The following PSMA7 variants were observed in gnomAD, a reference collection of about 807,000 sequenced individuals.
PSMA7 encodes proteasome 20S subunit alpha 7, also known as proteasome subunit alpha type-7.
Under a neutral mutation model 31.3 loss-of-function variants are expected in PSMA7, and 5 were observed. The ratio of observed to expected loss-of-function variants is 0.16; its 90% confidence interval spans 0.08 to 0.34. The LOEUF (loss-of-function observed/expected upper bound fraction) is 0.34, where lower values mean the gene tolerates loss of function less well. Among genes scored for constraint, PSMA7 ranks in the 10% least tolerant of loss-of-function variants. PSMA7 has a pLI of 1.00. For missense variants in PSMA7, 217 were observed against 327.5 expected, an observed-to-expected ratio of 0.66 and a Z score of 2.60; for synonymous variants, 155 against 121.9, an observed-to-expected ratio of 1.27 and a Z score of -1.79.
Position 62,137,352 on chromosome 20 carries a change from C to T in PSMA7, c.654+12G>A. 2 of 1,613,898 alleles carry T rather than the reference C, an allele frequency of 1.2e-6. No individual in the cohort carries two copies. Among genetic ancestry groups the T allele is most frequent in the African/African-American group, 1.3e-5 (1 of 75,044 alleles). On this transcript the variant is annotated intron_variant, in intron 6 of 6. Coordinates refer to ENST00000370873, the MANE Select transcript of PSMA7 (RefSeq NM_002792.4). ...CTGACAGGTAAAGAAAGCAGACAAA[C>T]TTGGTGATTACCTTGAGGGATTGAT...
At chr20:62,137,294 CTG>C (rs1273614727) in intron 6 of PSMA7, 68 bp downstream of exon 6, 1 of 1,485,838 alleles carries the variant, frequency 6.7e-7, no homozygotes, top group Non-Finnish European at 9.4e-7. Context: ...TCCTTCGGAA[CTG>C]GTACTGCTCA....
intron 1 of PSMA7, 74 bp from the exon 2 acceptor site, chr20:62,141,018 C>G: frequency 6.3e-7 from 1 of 1,574,804 alleles, no homozygotes; most frequent in Non-Finnish European, 8.7e-7. Flanking sequence ...CCTGTTAATT[C>G]CAGCACTTTG....
At chr20:62,137,574 C>T (rs2056902970) in intron 5 of PSMA7, 148 bp from the exon 6 acceptor site, 1 of 744,206 alleles carries the variant, frequency 1.3e-6, no homozygotes, top group East Asian at 2.5e-5. Flanking sequence ...TGTCTTTGTC[C>T]TAAACTCATG....
At chr20:62,137,456 C>A in intron 5 of PSMA7, 30 bp from the exon 6 acceptor site, 1 of 1,604,684 alleles carries the variant, frequency 6.2e-7, no homozygotes, top group South Asian at 1.1e-5. Context: ...GGAGCATTAA[C>A]CACCTTTCCC....
At chr20:62,138,112 A>G in intron 5 of PSMA7, 59 bp downstream of exon 5, 1 of 1,611,472 alleles carries the variant, frequency 6.2e-7, no homozygotes, top group Non-Finnish European at 8.5e-7. Context: ...TCTACCTACC[A>G]CTCACCACCA....
intron 4 of PSMA7, among the ~76,000 whole-genome samples, chr20:62,138,547 G>A (rs1037790501): frequency 4.2e-5 from 6 of 143,914 alleles, no homozygotes; most frequent in African/African-American, 1.7e-4. Context: ...GAGGCAATGG[G>A]AGATTTTTTT....
chr20:62,137,051 C>G (rs753541114), intron 6 of PSMA7, 102 bp from the exon 7 acceptor site: 7 of 1,474,968 alleles, frequency 4.7e-6, no homozygotes, highest in Non-Finnish European at 6.4e-6. Flanking sequence ...GCTGCTCATA[C>G]AGCCTCTTTG....
Position 62,140,840 on chromosome 20 carries a change from G to C in PSMA7, c.201C>G (p.Asp67Glu), listed in dbSNP as rs2056923528. Residue 67 changes from aspartate to glutamate, a missense_variant, in exon 2 of 7, where the codon GAC becomes GAG. Asp to Glu is a conservative substitution (Grantham distance 45). Coordinates refer to ENST00000370873, the MANE Select transcript of PSMA7 (RefSeq NM_002792.4). ...TACCTGCAAAGGCCATGCAGACGTT[G>C]TCATCCAAAGCACAGATCTTCCGCA... Reference protein sequence around the residue: ...RTVRKICALDDNVCMAFAGLT... With the variant: ...RTVRKICALDENVCMAFAGLT... The C allele has an allele frequency of 6.2e-7, 1 of 1,614,220 alleles. No individual in the cohort carries two copies. The highest frequency in any genetic ancestry group is 8.5e-7 in the Non-Finnish European group (1 of 1,180,038).
chr20:62,140,351 T>G (rs1253084236), intron 2 of PSMA7, among the ~76,000 whole-genome samples: 4 of 152,202 alleles, frequency 2.6e-5, no homozygotes, highest in Non-Finnish European at 5.9e-5. Context: ...ATTACATGAA[T>G]TGAGATCTTC....
chr20:62,140,009 C>T lies in PSMA7; in HGVS notation c.224-104G>A, dbSNP rs80321332. The T allele has an allele frequency of 4.8e-4, 676 of 1,416,854 alleles. 4 individuals are homozygous for T. The African/African-American group carries it at 8.1e-3, about 17-fold the overall frequency. The allele number at this position is 1,416,854 out of a possible 1,614,324, so 87.8% of individuals were successfully genotyped here. ...TTAACCTTCCACAGACCCCCCAAAC[C>T]GGCAGCAAGGCTATTCTAACTGACT... is the stretch of plus-strand genomic sequence containing the variant. On this transcript the variant is annotated intron_variant, in intron 2 of 6. Transcript: ENST00000370873.
Position 62,142,854 on chromosome 20 carries a change from C to T in PSMA7, c.96+354G>A, listed in dbSNP as rs773308812. 1.5e-3 allele frequency among the ~76,000 whole-genome samples: 226 copies of T among 151,718 alleles called. 1 individual carries two copies. Among genetic ancestry groups the T allele is most frequent in the Non-Finnish European group, 1.4e-3 (95 of 67,834 alleles). On this transcript the variant is annotated intron_variant, in intron 1 of 6. Transcript: ENST00000370873. ...TCCGCGGCCCAGAGCGGCCCTCGCCCGGCCTCTGCTCGCCGGGGCGGCGGC... is the reference window on the plus strand; with the variant it reads ...TCCGCGGCCCAGAGCGGCCCTCGCCTGGCCTCTGCTCGCCGGGGCGGCGGC...
At chr20:62,140,774 C>T in intron 2 of PSMA7, 44 bp downstream of exon 2, 1 of 1,605,518 alleles carries the variant, frequency 6.2e-7, no homozygotes, top group Non-Finnish European at 8.5e-7. Context: ...CTATTCTTCG[C>T]TGAGACTCTA....
Position 62,140,242 on chromosome 20 carries a change from G to T in PSMA7, c.224-337C>A, listed in dbSNP as rs145076294. The stretch of plus-strand genomic sequence containing the variant: ...ATTTTTAAAAACACAGATCAACAGG[G>T]ACTGTCTGCATATGAAGAATTGTGT... On this transcript the variant is annotated intron_variant, in intron 2 of 6. Coordinates refer to ENST00000370873, the MANE Select transcript of PSMA7 (RefSeq NM_002792.4). 3.3e-5 allele frequency among the ~76,000 whole-genome samples: 5 copies of T among 152,314 alleles called. No homozygotes were observed. In the East Asian group the frequency reaches 5.8e-4, roughly 18 times the overall value.
At position 62,140,934 on chromosome 20, in the gene PSMA7, C is replaced by T. The variant is rs1306662090; in HGVS notation, c.107G>A (p.Arg36Gln). The T allele has an allele frequency of 6.2e-7, 1 of 1,614,118 alleles. No individual in the cohort carries two copies. The highest frequency in any genetic ancestry group is 8.5e-7 in the Non-Finnish European group (1 of 1,180,020). ...ACCAAGAACAACAATGTCTCTTCCT[C>T]GAACACCAACCTTTAATTAAGATCC... is the stretch of plus-strand genomic sequence containing the variant. ...VKKGSTAVGV[R>Q]GRDIVVLGVE... The change falls in exon 2 of 7, where the codon CGA (arginine) becomes CAA (glutamine). Residue 36 changes from arginine (R) to glutamine (Q), a missense_variant. Around this residue, in one of 3 missense-constraint regions of PSMA7, gnomAD observed 76 missense variants for 96.5 expected, o/e 0.79. Coordinates refer to ENST00000370873, the MANE Select transcript of PSMA7 (RefSeq NM_002792.4).
At chr20:62,139,970 C>T (rs1057446147) in intron 2 of PSMA7, 65 bp from the exon 3 acceptor site, 11 of 1,564,370 alleles carry the variant, frequency 7.0e-6, no homozygotes, top group South Asian at 3.5e-5. Context: ...GGGACAGACA[C>T]GATGACCCAG....
chr20:62,143,156 C>G, intron 1 of PSMA7, 52 bp downstream of exon 1: 3 of 1,256,856 alleles, frequency 2.4e-6, no homozygotes, highest in Non-Finnish European at 3.1e-6. Flanking sequence ...CTGGGCTCCC[C>G]AGCCCCACTT....
At chr20:62,138,711 T>C (rs1030949240) in intron 4 of PSMA7, among the ~76,000 whole-genome samples, 5 of 152,000 alleles carry the variant, frequency 3.3e-5, no homozygotes, top group Admixed American at 2.6e-4. Flanking sequence ...TGTGCCACCA[T>C]GCCCAGCAAA....
intron 2 of PSMA7, among the ~76,000 whole-genome samples, chr20:62,140,227 A>C (rs1456991720): frequency 6.6e-6 from 1 of 152,252 alleles, no homozygotes; most frequent in East Asian, 1.9e-4. Context: ...ATTTTTAAAA[A>C]CACAGATCAA....
intron 6 of PSMA7, among the ~76,000 whole-genome samples, 161 bp from the exon 7 acceptor site, chr20:62,137,110 G>A (rs1256490596): frequency 1.1e-5 from 1 of 91,060 alleles, no homozygotes; most frequent in Non-Finnish European, 3.1e-5. Context: ...ACCTAGACAA[G>A]TATTAAGCAG....
Sources: gnomAD v4.1 joint callset for allele counts (sites outside exome capture counted in the v4.1 genomes callset) on GRCh38, gnomAD v4.1.1 for gene constraint, gnomAD v4.1.1 regional missense constraint, MANE v1.5 for transcripts, NCBI Gene and HGNC (gene_info 2026-07-23, HGNC 2026-07-21) for gene names.